MAP4K4: variants seen among roughly 807,000 people sequenced by gnomAD.
MAP4K4 encodes mitogen-activated protein kinase kinase kinase kinase 4, also known as HPK/GCK-like kinase HGK.
MAP4K4 carries 38 observed loss-of-function variants against 189.6 expected under a neutral mutation model. That is an observed-to-expected ratio of 0.20 (90% CI 0.15 to 0.26). MAP4K4 has a LOEUF of 0.26. MAP4K4 is among the 10% of genes least tolerant of loss of function. The pLI is 1.00. For missense variants in MAP4K4, 1,054 were observed against 1,726.9 expected, an observed-to-expected ratio of 0.61 and a Z score of 6.91; for synonymous variants, 610 against 624.3, an observed-to-expected ratio of 0.98 and a Z score of 0.34.
chr2:101,766,746 A>C (rs2078802208), intron 2 of MAP4K4, among the ~76,000 whole-genome samples: 3 of 152,066 alleles, frequency 2.0e-5, no homozygotes, highest in Admixed American at 2.0e-4. Context: ...TAATTATTTC[A>C]AACTTTGTCT....
chr2:101,825,201 A>G (rs2096291864), intron 4 of MAP4K4, 118 bp from the exon 5 acceptor site: 1 of 597,168 alleles, frequency 1.7e-6, no homozygotes, highest in Admixed American at 3.2e-5. Context: ...AATTATTATG[A>G]ATTATTGAGG....
chr2:101,880,098 T>A lies in MAP4K4; in HGVS notation c.3386-2453T>A, dbSNP rs79374708. 2.6e-4 allele frequency among the ~76,000 whole-genome samples: 39 copies of A among 152,288 alleles called. 1 individual carries two copies. The East Asian group carries it at 7.5e-3, about 29-fold the overall frequency. Reference sequence around the variant, plus strand: ...GTGTATTTTGGATCTAAGTTTCTGATGAGATATGTGTTTTGCGGATATTTT... The same window carrying A: ...GTGTATTTTGGATCTAAGTTTCTGAAGAGATATGTGTTTTGCGGATATTTT... On this transcript the variant is annotated intron_variant, in intron 27 of 32. Transcript: ENST00000324219.
At chr2:101,721,538 C>T (rs538185733) in intron 2 of MAP4K4, among the ~76,000 whole-genome samples, 6 of 151,268 alleles carry the variant, frequency 4.0e-5, no homozygotes, top group East Asian at 1.9e-4. Context: ...CGGGTTCAAG[C>T]GATTCTCCTG....
chr2:101,765,614 A>G (rs531604642), intron 2 of MAP4K4, among the ~76,000 whole-genome samples: 122 of 152,292 alleles, frequency 8.0e-4, no homozygotes, highest in African/African-American at 2.8e-3. Context: ...TGTAAATCAC[A>G]CTGCCTGTAC....
At chr2:101,728,001 AC>A (rs1326119072) in intron 2 of MAP4K4, among the ~76,000 whole-genome samples, 1 of 152,180 alleles carries the variant, frequency 6.6e-6, no homozygotes, top group Non-Finnish European at 1.5e-5. Flanking sequence ...TAAGGAGCAC[AC>A]TAAGGGCTCC....
intron 24 of MAP4K4, among the ~76,000 whole-genome samples, chr2:101,873,301 C>G (rs17026225): frequency 0.068 from 10,323 of 152,282 alleles, 462 homozygotes; most frequent in African/African-American, 0.12. Flanking sequence ...GAGATCAAGA[C>G]ATTTCAGACC....
intron 3 of MAP4K4, among the ~76,000 whole-genome samples, chr2:101,813,135 TA>T (rs1308628042): frequency 1.3e-5 from 2 of 152,094 alleles, no homozygotes; most frequent in Non-Finnish European, 2.9e-5. Flanking sequence ...AATAAATAAA[TA>T]AATTGGATTA....
intron 12 of MAP4K4, among the ~76,000 whole-genome samples, chr2:101,847,746 C>A: frequency 6.6e-6 from 1 of 151,824 alleles, no homozygotes; most frequent in East Asian, 1.9e-4. Context: ...GAAAGAAAAA[C>A]ATTTTAAAAT....
At chr2:101,784,834 AGCCT>A (rs1303060740) in intron 2 of MAP4K4, among the ~76,000 whole-genome samples, 1 of 152,206 alleles carries the variant, frequency 6.6e-6, no homozygotes, top group African/African-American at 2.4e-5. Flanking sequence ...CCAGGTCCAC[AGCCT>A]GGTATAGAGA....
intron 2 of MAP4K4, among the ~76,000 whole-genome samples, chr2:101,724,968 A>G (rs1574295650): frequency 6.6e-6 from 1 of 152,358 alleles, no homozygotes; most frequent in South Asian, 2.1e-4. Context: ...AGTACTCAGT[A>G]TATTGACATA....
At chr2:101,723,026 A>AGGG (rs551368315) in intron 2 of MAP4K4, among the ~76,000 whole-genome samples, 144 of 152,342 alleles carry the variant, frequency 9.5e-4, no homozygotes, top group African/African-American at 3.4e-3. Flanking sequence ...CGGAAGGCAA[A>AGGG]GGGGAAGCCA....
chr2:101,893,291 A>G (rs980841435), exon 33 of MAP4K4: 12 of 456,070 alleles, frequency 2.6e-5, no homozygotes, highest in Admixed American at 7.1e-5. Flanking sequence ...TTGGGGAAGT[A>G]AAAGAAGATG....
chr2:101,864,856 A>G (rs2097769645), intron 17 of MAP4K4, 74 bp from the exon 18 acceptor site: 1 of 976,424 alleles, frequency 1.0e-6, no homozygotes, highest in East Asian at 2.6e-5. Context: ...CTTTAAAAAT[A>G]TATTTTGGTA....
chr2:101,852,427 TA>T (rs1398565573), intron 12 of MAP4K4, among the ~76,000 whole-genome samples: 2 of 152,022 alleles, frequency 1.3e-5, no homozygotes, highest in African/African-American at 2.4e-5. Context: ...ATATTTACTA[TA>T]GGGGGAAAAA....
At chr2:101,801,895 AC>A (rs1396412572) in intron 3 of MAP4K4, among the ~76,000 whole-genome samples, 1 of 151,960 alleles carries the variant, frequency 6.6e-6, no homozygotes, top group Non-Finnish European at 1.5e-5. Context: ...TGGCAACTCC[AC>A]CCTCCTCATT....
At chr2:101,880,531 C>T (rs1481816795) in intron 27 of MAP4K4, among the ~76,000 whole-genome samples, 9 of 148,954 alleles carry the variant, frequency 6.0e-5, no homozygotes, top group Non-Finnish European at 1.0e-4. Context: ...TTTTTTGACA[C>T]GGAGTCTCAA....
chr2:101,711,747 A>G (rs2045666853), intron 2 of MAP4K4, among the ~76,000 whole-genome samples: 1 of 152,144 alleles, frequency 6.6e-6, no homozygotes, highest in South Asian at 2.1e-4. Context: ...ATTATTTTGT[A>G]TAAGCAAGGG....
intron 10 of MAP4K4, 104 bp downstream of exon 10, chr2:101,840,098 C>A: frequency 3.6e-6 from 4 of 1,107,842 alleles, no homozygotes; most frequent in South Asian, 1.7e-5. Context: ...GCTCACTTGG[C>A]CAGTGCTTGC....
At chr2:101,776,518 T>C (rs2084214618) in intron 2 of MAP4K4, among the ~76,000 whole-genome samples, 8 of 148,054 alleles carry the variant, frequency 5.4e-5, no homozygotes, top group Admixed American at 4.8e-4. Flanking sequence ...AAAAAAAATA[T>C]ACAGCTTTCT....
Sources: gnomAD v4.1 joint callset for allele counts (sites outside exome capture counted in the v4.1 genomes callset) on GRCh38, gnomAD v4.1.1 for gene constraint, MANE v1.5 for transcripts, NCBI Gene and HGNC (gene_info 2026-07-23, HGNC 2026-07-21) for gene names.